The following PWWP2A variants were observed in gnomAD, a reference collection of about 807,000 sequenced individuals.
PWWP2A encodes PWWP domain-containing protein 2A.
PWWP2A carries 18 observed loss-of-function variants against 48.5 expected under a neutral mutation model. That is an observed-to-expected ratio of 0.37 (90% CI 0.26 to 0.55). The LOEUF (loss-of-function observed/expected upper bound fraction) is 0.55. PWWP2A is among the 20% of genes least tolerant of loss of function. PWWP2A has a pLI of 0.81. For synonymous variants in PWWP2A, 396 were observed against 387.7 expected, an observed-to-expected ratio of 1.02 and a Z score of -0.25; for missense variants, 867 against 976.4, an observed-to-expected ratio of 0.89 and a Z score of 1.49.
chr5:160,086,312 A>T (rs541226390), intron 2 of PWWP2A, among the ~76,000 whole-genome samples: 2 of 148,794 alleles, frequency 1.3e-5, no homozygotes, highest in Admixed American at 1.3e-4. Context: ...TGAGCCCAGG[A>T]GTTCAAGACC....
downstream of PWWP2A, among the ~76,000 whole-genome samples, chr5:160,087,615 T>C (rs1472030248): frequency 6.6e-6 from 1 of 152,164 alleles, no homozygotes; most frequent in African/African-American, 2.4e-5. Flanking sequence ...AAATTACAGA[T>C]GGAAGGTGGT....
chr5:160,091,855 TA>T lies in PWWP2A; in HGVS notation c.*526del. The T allele has an allele frequency of 3.0e-6, 3 of 984,992 alleles. No homozygotes were observed. The highest frequency in any genetic ancestry group is 3.6e-6 in the Non-Finnish European group (3 of 829,798). 61.0% of individuals were successfully genotyped at this position (984,992 alleles called of 1,614,324 possible). A position where few individuals can be genotyped will look rare whatever the true frequency, so the allele number is the denominator to read the frequency against. ...ATAGAAAGGCTAAGTGTTCATTATT[TA>T]AAAAACAAGTAGTCATTAAATATCC... is the stretch of plus-strand genomic sequence containing the variant. On this transcript the variant is annotated 3_prime_UTR_variant, in exon 2 of 2. Coordinates refer to ENST00000307063, the MANE Select transcript of PWWP2A (RefSeq NM_001130864.2).
At chr5:160,089,560 T>C (rs777639486), downstream of PWWP2A, 12 of 1,288,080 alleles carry the variant, frequency 9.3e-6, no homozygotes, top group South Asian at 1.2e-4. Flanking sequence ...TAAATGAGAG[T>C]TGAATGGATG....
chr5:160,072,549 A>G (rs1161533363), downstream of PWWP2A, among the ~76,000 whole-genome samples: 1 of 151,844 alleles, frequency 6.6e-6, no homozygotes, highest in Non-Finnish European at 1.5e-5. Flanking sequence ...TAACAGAGAA[A>G]CCCCGTCGCT....
intron 2 of PWWP2A, among the ~76,000 whole-genome samples, chr5:160,080,977 C>A (rs1254576193): frequency 6.6e-6 from 1 of 152,150 alleles, no homozygotes; most frequent in East Asian, 1.9e-4. Context: ...ACACAACAGC[C>A]TTTGCCAGGA....
the PWWP2A span, among the ~76,000 whole-genome samples, chr5:160,045,666 A>G: frequency 6.6e-6 from 1 of 151,746 alleles, no homozygotes; most frequent in Non-Finnish European, 1.5e-5. Context: ...GTTTAAGTTC[A>G]TTCTCACCTC....
the PWWP2A span, among the ~76,000 whole-genome samples, chr5:160,048,937 C>A: frequency 0.067 from 8,564 of 128,382 alleles, 265 homozygotes; most frequent in East Asian, 0.14. Flanking sequence ...GGTGACAGAG[C>A]GAGACTCCGT....
chr5:160,054,299 TCA>T, the PWWP2A span, among the ~76,000 whole-genome samples: 3 of 152,234 alleles, frequency 2.0e-5, no homozygotes, highest in Admixed American at 1.3e-4. Context: ...TGGAATGATT[TCA>T]CAGTTTTCTT....
At chr5:160,045,520 ACTCT>A in the PWWP2A span, among the ~76,000 whole-genome samples, 1,777 of 54,798 alleles carry the variant, frequency 0.032, 50 homozygotes, top group African/African-American at 0.086. Flanking sequence ...ACACATACAC[ACTCT>A]CTCTCTCTCT....
the PWWP2A span, among the ~76,000 whole-genome samples, chr5:160,046,495 T>C: frequency 2.3e-4 from 35 of 152,188 alleles, 1 homozygote; most frequent in East Asian, 1.3e-3. Context: ...TCTTTTTTTT[T>C]CCCCTCTGTA....
At chr5:160,095,683 GTTCT>G (rs1462969120) in intron 1 of PWWP2A, among the ~76,000 whole-genome samples, 17 of 108,840 alleles carry the variant, frequency 1.6e-4, no homozygotes, top group Middle Eastern at 5.3e-3. Flanking sequence ...TCTCCGAAAT[GTTCT>G]TTTTTTTTTT....
chr5:160,109,530 A>G (rs1757232494), intron 1 of PWWP2A, among the ~76,000 whole-genome samples: 1 of 151,658 alleles, frequency 6.6e-6, no homozygotes, highest in South Asian at 2.1e-4. Context: ...AATAGTCTTG[A>G]GTGGTTCAAT....
intron 3 of PWWP2A, among the ~76,000 whole-genome samples, chr5:160,079,840 A>G (rs1329299438): frequency 6.6e-6 from 1 of 152,198 alleles, no homozygotes; most frequent in Non-Finnish European, 1.5e-5. Context: ...CCAAAATCCC[A>G]GCTGCAATCT....
intron 1 of PWWP2A, among the ~76,000 whole-genome samples, chr5:160,116,179 C>G (rs1355622196): frequency 6.6e-6 from 1 of 152,118 alleles, no homozygotes; most frequent in Non-Finnish European, 1.5e-5. Context: ...CTCAGCCTCC[C>G]AAGTAGCTGG....
chr5:160,089,653 C>A, downstream of PWWP2A: 1 of 1,286,070 alleles, frequency 7.8e-7, no homozygotes, highest in Non-Finnish European at 1.0e-6. Flanking sequence ...CTTTACATTT[C>A]TGAGAATTTC....
intron 4 of PWWP2A, among the ~76,000 whole-genome samples, chr5:160,066,295 C>CTTTTTTTTT (rs748083955): frequency 1.7e-4 from 10 of 57,950 alleles, no homozygotes; most frequent in African/African-American, 3.9e-4. Flanking sequence ...AAGTGGTTCT[C>CTTTTTTTTT]ATTTTTTTTT....
chr5:160,101,625 T>C (rs1756301092), intron 1 of PWWP2A, among the ~76,000 whole-genome samples: 1 of 151,662 alleles, frequency 6.6e-6, no homozygotes, highest in South Asian at 2.1e-4. Flanking sequence ...ACTATTGAAC[T>C]GTATCCTTAA....
the PWWP2A span, among the ~76,000 whole-genome samples, chr5:160,047,117 A>C: frequency 6.6e-6 from 1 of 152,174 alleles, no homozygotes; most frequent in Non-Finnish European, 1.5e-5. Flanking sequence ...AAAACTAATA[A>C]ATACATGCCA....
rs1755146228 is a variant in PWWP2A, at chr5:160,092,125, C to T, written c.*257G>A. On this transcript the variant is annotated 3_prime_UTR_variant, in exon 2 of 2. Coordinates refer to ENST00000307063, the MANE Select transcript of PWWP2A (RefSeq NM_001130864.2). ...TTCAATTTCAGTTGAGGCTATGGCT[C>T]CTATGCCTTGGGATGGTTTCGAACT... 1 of 1,201,510 alleles carries T rather than the reference C, an allele frequency of 8.3e-7. No homozygotes were observed. Among genetic ancestry groups the T allele is most frequent in the South Asian group, 2.7e-5 (1 of 36,508 alleles). 74.4% of individuals were successfully genotyped at this position (1,201,510 alleles called of 1,614,324 possible).
Sources: gnomAD v4.1 joint callset for allele counts (sites outside exome capture counted in the v4.1 genomes callset) on GRCh38, gnomAD v4.1.1 for gene constraint, MANE v1.5 for transcripts, NCBI Gene and HGNC (gene_info 2026-07-23, HGNC 2026-07-21) for gene names.